PSD3: variants seen among roughly 807,000 people sequenced by gnomAD.
PSD3 encodes the protein pleckstrin and Sec7 domain containing 3.
In PSD3, 49 loss-of-function variants were observed where a neutral mutation model predicts 105.5. The observed-to-expected ratio is 0.46, with a 90% CI of 0.37 to 0.59. The LOEUF is 0.59. Among genes scored for constraint, PSD3 ranks in the 20% least tolerant of loss-of-function variants. PSD3 has a pLI of 0.00. For synonymous variants in PSD3, 557 were observed against 457.8 expected (o/e 1.22, Z -2.77); for missense variants, 1,561 against 1,263.8 (o/e 1.24, Z -3.57).
chr8:18,568,531 G>A (rs1442232876), intron 14 of PSD3, among the ~76,000 whole-genome samples: 1 of 152,064 alleles, frequency 6.6e-6, no homozygotes, highest in Non-Finnish European at 1.5e-5. Context: ...CACAATGACA[G>A]CCTGTTTCCT....
At chr8:18,962,479 T>C (rs981694003) in intron 1 of PSD3, among the ~76,000 whole-genome samples, 15 of 152,128 alleles carry the variant, frequency 9.9e-5, no homozygotes, top group African/African-American at 3.4e-4. Context: ...GTATTTTTGG[T>C]GGGAGGAGGA....
At chr8:18,998,805 T>C (rs1346809609) in intron 1 of PSD3, among the ~76,000 whole-genome samples, 4 of 140,352 alleles carry the variant, frequency 2.8e-5, no homozygotes, top group Non-Finnish European at 6.2e-5. Flanking sequence ...GAAATTATGA[T>C]GCAAAGTACA....
chr8:19,032,302 C>T (rs1827797185), intron 1 of PSD3, among the ~76,000 whole-genome samples: 2 of 152,054 alleles, frequency 1.3e-5, no homozygotes. Context: ...GGTTTATCTG[C>T]CTATCACTCG....
In PSD3 at chr8:18,632,635, A is replaced by G. The variant is rs1806982984; in HGVS notation, c.2388T>C (p.His796=). 1.2e-6 allele frequency: 2 copies of G among 1,612,228 alleles called. No individual in the cohort carries two copies. Among genetic ancestry groups the G allele is most frequent in the Admixed American group, 3.3e-5 (2 of 59,774 alleles). ...YKSGFLARKI[H]ADMDGKKTPR... Reference sequence around the variant, plus strand: ...TACTCTTCTTTCCATCCATATCTGCATGAATTTTCCGAGCCAAGAATCCAC... The same window carrying G: ...TACTCTTCTTTCCATCCATATCTGCGTGAATTTTCCGAGCCAAGAATCCAC... Residue 796 remains histidine (H), a synonymous_variant, in exon 11 of 16, where the codon CAT becomes CAC. Coordinates refer to ENST00000327040, the MANE Select transcript of PSD3 (RefSeq NM_015310.4).
At chr8:18,681,000 T>TA (rs5889816) in intron 9 of PSD3, among the ~76,000 whole-genome samples, 123,246 of 152,006 alleles carry the variant, frequency 0.81, 53,348 homozygotes, top group Non-Finnish European at 0.97. Flanking sequence ...AACCATTATG[T>TA]TTTAATGGCC....
At chr8:19,076,109 A>AAAG (rs1256088562) in intron 1 of PSD3, among the ~76,000 whole-genome samples, 5 of 151,928 alleles carry the variant, frequency 3.3e-5, no homozygotes, top group Non-Finnish European at 5.9e-5. Context: ...TCTCAATAAA[A>AAAG]ATACGGTGGA....
chr8:18,917,940 T>C (rs1472995563), intron 2 of PSD3, among the ~76,000 whole-genome samples: 1 of 152,144 alleles, frequency 6.6e-6, no homozygotes, highest in Non-Finnish European at 1.5e-5. Flanking sequence ...TGTGTTTATG[T>C]ATTTATGTAT....
intron 8 of PSD3, among the ~76,000 whole-genome samples, chr8:18,768,400 G>A (rs959578027): frequency 1.3e-5 from 2 of 152,164 alleles, no homozygotes; most frequent in African/African-American, 4.8e-5. Context: ...GAGCCTGGGA[G>A]ATCAAGACTA....
chr8:18,833,728 A>G (rs1286575550), intron 4 of PSD3, among the ~76,000 whole-genome samples: 2 of 152,224 alleles, frequency 1.3e-5, no homozygotes, highest in African/African-American at 4.8e-5. Context: ...GCTACCTGCC[A>G]TTACAATTAT....
At chr8:18,623,019 A>T (rs893251396) in intron 11 of PSD3, among the ~76,000 whole-genome samples, 2 of 152,204 alleles carry the variant, frequency 1.3e-5, no homozygotes, top group Non-Finnish European at 2.9e-5. Context: ...AATGATGGCG[A>T]TCACAAAGTC....
At chr8:18,716,528 T>G (rs570321042) in intron 9 of PSD3, among the ~76,000 whole-genome samples, 3 of 152,146 alleles carry the variant, frequency 2.0e-5, no homozygotes, top group Non-Finnish European at 4.4e-5. Flanking sequence ...CCAGGGTGGC[T>G]GAAGCTTGGG....
chr8:18,738,205 T>G (rs1804296139), intron 9 of PSD3, among the ~76,000 whole-genome samples: 2 of 152,106 alleles, frequency 1.3e-5, no homozygotes, highest in Admixed American at 1.3e-4. Context: ...ATTTTGCATA[T>G]CATTTCAAAT....
chr8:18,754,442 G>A (rs938927094), intron 9 of PSD3, among the ~76,000 whole-genome samples: 2 of 152,040 alleles, frequency 1.3e-5, no homozygotes, highest in African/African-American at 4.8e-5. Context: ...AAATGTCTGT[G>A]TTCTATTAAA....
At chr8:18,844,154 A>G (rs1186126826) in intron 4 of PSD3, among the ~76,000 whole-genome samples, 1 of 151,450 alleles carries the variant, frequency 6.6e-6, no homozygotes, top group East Asian at 1.9e-4. Context: ...AATTACCTAT[A>G]ATTATCTAAG....
chr8:18,601,837 C>T (rs888531895), intron 11 of PSD3, among the ~76,000 whole-genome samples: 1 of 152,138 alleles, frequency 6.6e-6, no homozygotes, highest in Non-Finnish European at 1.5e-5. Flanking sequence ...GCACTGCGCA[C>T]ACAGAAGAGA....
intron 2 of PSD3, among the ~76,000 whole-genome samples, chr8:18,892,414 G>A (rs770715770): frequency 9.2e-5 from 14 of 151,466 alleles, no homozygotes; most frequent in South Asian, 4.2e-4. Flanking sequence ...TAGTAAAGAC[G>A]GAGTTTCACC....
At chr8:18,715,616 A>T (rs914543520) in intron 9 of PSD3, among the ~76,000 whole-genome samples, 4 of 152,206 alleles carry the variant, frequency 2.6e-5, no homozygotes, top group Non-Finnish European at 5.9e-5. Flanking sequence ...AAAAAGCAAA[A>T]TCGCTTGGAA....
At chr8:18,577,548 C>A (rs954385023) in intron 12 of PSD3, among the ~76,000 whole-genome samples, 1 of 151,996 alleles carries the variant, frequency 6.6e-6, no homozygotes, top group Non-Finnish European at 1.5e-5. Context: ...TTGTCTGGTG[C>A]ATTTAGGTTT....
chr8:19,013,484 G>C, intron 1 of PSD3, 79 bp downstream of exon 1: 1 of 1,569,172 alleles, frequency 6.4e-7, no homozygotes, highest in Non-Finnish European at 8.6e-7. Context: ...ACAGAGCGGC[G>C]ACAAAGCAAC....
Sources: allele counts gnomAD v4.1 joint callset (sites outside exome capture counted in the v4.1 genomes callset), GRCh38; gene constraint gnomAD v4.1.1; transcripts MANE v1.5; gene names NCBI Gene and HGNC (gene_info 2026-07-23, HGNC 2026-07-21).